Variants in METTL15 observed in about 807,000 individuals in gnomAD.
The protein encoded by METTL15 is methyltransferase 15, mitochondrial 12S rRNA N4-cytidine, also known as 12S rRNA N(4)-cytidine methyltransferase METTL15.
Under a neutral mutation model 38.3 loss-of-function variants are expected in METTL15, and 34 were observed. That is an observed-to-expected ratio of 0.89 (90% CI 0.68 to 1.18). METTL15 has a LOEUF of 1.18. Among genes scored for constraint, METTL15 ranks in the 50% most tolerant of loss-of-function variants. METTL15 has a pLI of 0.00. For missense variants in METTL15, 438 were observed against 498.4 expected (o/e 0.88, Z 1.15); for synonymous variants, 162 against 170.9 (o/e 0.95, Z 0.41).
At chr11:28,486,274 G>C (rs1171665876) in intron 6 of METTL15, among the ~76,000 whole-genome samples, 2 of 152,074 alleles carry the variant, frequency 1.3e-5, no homozygotes, top group Non-Finnish European at 2.9e-5. Context: ...CATGGGGGAT[G>C]GTACAGGAAA....
intron 5 of METTL15, among the ~76,000 whole-genome samples, chr11:28,394,440 G>T (rs1850547385): frequency 1.3e-5 from 2 of 151,976 alleles, no homozygotes; most frequent in African/African-American, 2.4e-5. Flanking sequence ...TTTCTTTTCT[G>T]CCCTCTTTTT....
intron 4 of METTL15, among the ~76,000 whole-genome samples, chr11:28,260,739 G>C (rs1855168470): frequency 6.6e-6 from 1 of 152,088 alleles, no homozygotes; most frequent in South Asian, 2.1e-4. Context: ...AAGAATATGG[G>C]GGCTCTAGGA....
chr11:28,422,853 A>G (rs148962337), intron 5 of METTL15, among the ~76,000 whole-genome samples: 22 of 152,196 alleles, frequency 1.4e-4, no homozygotes, highest in African/African-American at 4.8e-4. Flanking sequence ...ATGGGATCAT[A>G]TCAAGCTAAA....
intron 6 of METTL15, among the ~76,000 whole-genome samples, chr11:28,506,746 T>C (rs1039386073): frequency 3.9e-5 from 2 of 50,922 alleles, no homozygotes; most frequent in African/African-American, 8.1e-5. Flanking sequence ...CTTTTTTTTT[T>C]TTTTTTTTTT....
At chr11:28,326,259 A>C (rs1849631284) in intron 6 of METTL15, among the ~76,000 whole-genome samples, 1 of 151,846 alleles carries the variant, frequency 6.6e-6, no homozygotes, top group South Asian at 2.1e-4. Context: ...TTCAGAGTCC[A>C]GCATAAGAGT....
At chr11:28,205,029 G>A (rs766234091) in intron 3 of METTL15, among the ~76,000 whole-genome samples, 3 of 151,896 alleles carry the variant, frequency 2.0e-5, no homozygotes, top group Non-Finnish European at 4.4e-5. Context: ...GAAACATTCA[G>A]ATTTATTTGT....
chr11:28,303,253 A>G (rs1856971792), intron 6 of METTL15, among the ~76,000 whole-genome samples: 1 of 152,194 alleles, frequency 6.6e-6, no homozygotes, highest in Non-Finnish European at 1.5e-5. Flanking sequence ...GTAAACTTGA[A>G]TAATTCTAGA....
chr11:28,270,660 T>G (rs1370417312), intron 4 of METTL15, among the ~76,000 whole-genome samples: 1 of 152,154 alleles, frequency 6.6e-6, no homozygotes, highest in African/African-American at 2.4e-5. Flanking sequence ...ACCTCAACGA[T>G]TTTTGTTTTT....
At chr11:28,238,045 G>T (rs546242568) in intron 4 of METTL15, among the ~76,000 whole-genome samples, 99 of 152,292 alleles carry the variant, frequency 6.5e-4, no homozygotes, top group African/African-American at 2.3e-3. Flanking sequence ...GGCTGCTCGG[G>T]GGTCAGGGGT....
At chr11:28,377,634 C>T (rs1423133733) in intron 5 of METTL15, among the ~76,000 whole-genome samples, 1 of 152,036 alleles carries the variant, frequency 6.6e-6, no homozygotes, top group East Asian at 1.9e-4. Flanking sequence ...GTAATTTGAT[C>T]GTCTGAAGCC....
intron 4 of METTL15, among the ~76,000 whole-genome samples, chr11:28,215,072 A>G (rs1009094620): frequency 6.6e-6 from 1 of 152,224 alleles, no homozygotes; most frequent in African/African-American, 2.4e-5. Context: ...CTTAAATTCA[A>G]TAAAGTATGG....
intron 5 of METTL15, among the ~76,000 whole-genome samples, chr11:28,388,300 T>C (rs1275943218): frequency 6.6e-6 from 1 of 152,106 alleles, no homozygotes; most frequent in Non-Finnish European, 1.5e-5. Context: ...TAATCTTATA[T>C]GTAGAAAACA....
At position 28,518,799 on chromosome 11, in the gene METTL15, A is replaced by T. The variant is rs143715499; in HGVS notation, c.*425-7679A>T. ...AAGCCCCCCAGAAGGGCTCCTGTGA[A>T]TCACCACACTCACCCTGAAATATCG... On this transcript the variant is annotated intron_variant and NMD_transcript_variant, in intron 6 of 7. Coordinates refer to the METTL15 transcript ENST00000532947. Among the ~76,000 whole-genome samples, 110 of 152,332 alleles carry T rather than the reference A, an allele frequency of 7.2e-4. 2 individuals carry two copies. The East Asian group carries it at 0.016, about 22-fold the overall frequency.
chr11:28,348,656 C>T (rs1475866119), intron 3 of METTL15, among the ~76,000 whole-genome samples: 1 of 151,750 alleles, frequency 6.6e-6, no homozygotes, highest in African/African-American at 2.4e-5. Flanking sequence ...AGGCATGAGC[C>T]ACCACTGAAC....
intron 3 of METTL15, among the ~76,000 whole-genome samples, chr11:28,190,038 A>T (rs2133800606): frequency 6.6e-6 from 1 of 151,238 alleles, no homozygotes; most frequent in African/African-American, 2.4e-5. Flanking sequence ...TCTGCTTTTA[A>T]GTGGTGATTA....
At chr11:28,480,359 A>G (rs1475078289) in intron 6 of METTL15, among the ~76,000 whole-genome samples, 2 of 152,248 alleles carry the variant, frequency 1.3e-5, no homozygotes, top group African/African-American at 2.4e-5. Flanking sequence ...GTACCATTAT[A>G]TAGTATTTCC....
chr11:28,327,912 G>T, intron 6 of METTL15: 1 of 475,678 alleles, frequency 2.1e-6, no homozygotes, highest in Non-Finnish European at 3.6e-6. Flanking sequence ...GCATTAAAAT[G>T]TCAATAAAGT....
chr11:28,215,174 A>G (rs1158042441), intron 4 of METTL15, among the ~76,000 whole-genome samples: 1 of 152,216 alleles, frequency 6.6e-6, no homozygotes, highest in East Asian at 1.9e-4. Context: ...TCTCTATGCA[A>G]CATTCCTTTT....
intron 5 of METTL15, among the ~76,000 whole-genome samples, chr11:28,395,021 G>A (rs1380287743): frequency 6.6e-6 from 1 of 152,072 alleles, no homozygotes; most frequent in African/African-American, 2.4e-5. Flanking sequence ...CTGATCGTAA[G>A]TAATCAGCCA....
Sources: allele counts gnomAD v4.1 joint callset (sites outside exome capture counted in the v4.1 genomes callset), GRCh38; gene constraint gnomAD v4.1.1; transcripts MANE v1.5; gene names NCBI Gene and HGNC (gene_info 2026-07-23, HGNC 2026-07-21).